Variants in HDX observed in about 807,000 individuals in gnomAD.
HDX encodes chromosome X open reading frame 43.
In HDX, 19 loss-of-function variants were observed where a neutral mutation model predicts 45.2. That is an observed-to-expected ratio of 0.42 (90% CI 0.29 to 0.62). The LOEUF (loss-of-function observed/expected upper bound fraction) is 0.62. HDX is among the 20% of genes least tolerant of loss of function. The pLI is 0.20. For synonymous variants in HDX, 188 were observed against 172.8 expected (o/e 1.09, Z -0.69); for missense variants, 532 against 493.9 (o/e 1.08, Z -0.73).
chrX:84,444,863 G>A lies in HDX; in HGVS notation c.1252-4278C>T, dbSNP rs180917739. On this transcript the variant is annotated intron_variant, in intron 4 of 10. Coordinates refer to ENST00000373177, the MANE Select transcript of HDX (RefSeq NM_001177479.2). ...TGATATGTCTTCATTACTGTACATG[G>A]TTGTACATTCATAAGAAGGCATGCA... is the stretch of plus-strand genomic sequence containing the variant. Among the ~76,000 whole-genome samples, 286 of 111,260 alleles carry A rather than the reference G, an allele frequency of 2.6e-3. 1 individual carries two copies. Among genetic ancestry groups the A allele is most frequent in the African/African-American group, 8.7e-3 (269 of 30,766 alleles).
At chrX:84,349,287 C>T (rs190537674) in intron 6 of HDX, among the ~76,000 whole-genome samples, 3 of 109,945 alleles carry the variant, frequency 2.7e-5, no homozygotes, top group Admixed American at 9.8e-5. Flanking sequence ...GTTTGTTCAA[C>T]GTTTTATTTG....
chrX:84,324,577 A>T (rs1338960592), intron 10 of HDX, among the ~76,000 whole-genome samples: 1 of 111,622 alleles, frequency 9.0e-6, no homozygotes, highest in East Asian at 2.8e-4. Flanking sequence ...TTTTGTCCAT[A>T]TACTAATTTA....
chrX:84,382,696 G>C (rs1176421361), intron 5 of HDX, among the ~76,000 whole-genome samples: 1 of 111,241 alleles, frequency 9.0e-6, no homozygotes, highest in Non-Finnish European at 1.9e-5. Context: ...CCAGAGGCTG[G>C]GAAGTGTAGT....
intron 5 of HDX, among the ~76,000 whole-genome samples, chrX:84,417,218 GAGAAAGAAAGAAAGAA>G (rs1556012085): frequency 1.0e-5 from 1 of 100,251 alleles, no homozygotes; most frequent in Non-Finnish European, 2.0e-5. Context: ...AAAAAAAAGA[GAGAAAGAAAGAAAGAA>G]AGAAAGAAAG....
At chrX:84,436,309 G>A (rs1040158965) in intron 5 of HDX, among the ~76,000 whole-genome samples, 2 of 100,554 alleles carry the variant, frequency 2.0e-5, no homozygotes, top group Non-Finnish European at 4.1e-5. Context: ...GGATAGCATT[G>A]GGAGATATAC....
chrX:84,378,397 A>G (rs1193305777), intron 5 of HDX, among the ~76,000 whole-genome samples: 2 of 111,744 alleles, frequency 1.8e-5, no homozygotes, highest in Non-Finnish European at 3.8e-5. Context: ...CCTTATCCTA[A>G]GTAGAAAGAC....
At chrX:84,370,022 T>C (rs2037855001) in intron 5 of HDX, among the ~76,000 whole-genome samples, 1 of 112,034 alleles carries the variant, frequency 8.9e-6, no homozygotes, top group South Asian at 3.7e-4. Flanking sequence ...CTGAATTAGA[T>C]TAACATATAA....
chrX:84,449,521 G>A (rs954907305), intron 4 of HDX, among the ~76,000 whole-genome samples: 1 of 111,932 alleles, frequency 8.9e-6, no homozygotes, highest in Non-Finnish European at 1.9e-5. Flanking sequence ...TCTTCAAAGA[G>A]CTGAAAGAAA....
intron 4 of HDX, among the ~76,000 whole-genome samples, chrX:84,445,561 C>CT (rs2039854523): frequency 9.1e-6 from 1 of 110,289 alleles, no homozygotes; most frequent in Admixed American, 9.8e-5. Flanking sequence ...TGAAATTTAA[C>CT]AAAAAGCCAA....
chrX:84,349,040 C>A (rs771809659), intron 6 of HDX, among the ~76,000 whole-genome samples: 1 of 111,391 alleles, frequency 9.0e-6, no homozygotes, highest in East Asian at 2.9e-4. Context: ...CATGATTGTA[C>A]ACCCTGGAAT....
chrX:84,455,692 G>A (rs1056296411), intron 4 of HDX, among the ~76,000 whole-genome samples: 1 of 111,496 alleles, frequency 9.0e-6, no homozygotes, highest in African/African-American at 3.3e-5. Context: ...CCAAACCTAG[G>A]GAAAGATATT....
At chrX:84,453,877 A>T (rs2040058299) in intron 4 of HDX, among the ~76,000 whole-genome samples, 1 of 112,021 alleles carries the variant, frequency 8.9e-6, no homozygotes, top group African/African-American at 3.2e-5. Context: ...CAACTTTGAT[A>T]ACAGCTCAGC....
chrX:84,404,490 T>C (rs1332269500), intron 5 of HDX, among the ~76,000 whole-genome samples: 1 of 111,599 alleles, frequency 9.0e-6, no homozygotes, highest in African/African-American at 3.2e-5. Context: ...TTAAGAATAC[T>C]GTAGCATAAT....
At chrX:84,327,009 C>T (rs1214445897) in intron 9 of HDX, among the ~76,000 whole-genome samples, 1 of 110,927 alleles carries the variant, frequency 9.0e-6, no homozygotes, top group African/African-American at 3.3e-5. Context: ...TTCAGAAAGC[C>T]AACTACTCAG....
chrX:84,417,912 A>G (rs916492512), intron 5 of HDX, among the ~76,000 whole-genome samples: 1 of 111,896 alleles, frequency 8.9e-6, no homozygotes, highest in Non-Finnish European at 1.9e-5. Flanking sequence ...CATTACTCCA[A>G]TGTCCTCAGC....
chrX:84,474,182 C>G (rs1185482478), intron 3 of HDX, among the ~76,000 whole-genome samples: 2 of 111,656 alleles, frequency 1.8e-5, no homozygotes, highest in Admixed American at 1.9e-4. Context: ...ATTCCAGCTA[C>G]TCGGGAGGCT....
At chrX:84,494,547 T>A (rs2040960651) in intron 1 of HDX, among the ~76,000 whole-genome samples, 1 of 112,178 alleles carries the variant, frequency 8.9e-6, no homozygotes, top group Admixed American at 9.5e-5. Flanking sequence ...AAAGATTTAG[T>A]CACACATTAG....
intron 5 of HDX, among the ~76,000 whole-genome samples, chrX:84,423,483 CAAAAA>C (rs538893311): frequency 5.0e-5 from 3 of 59,501 alleles, no homozygotes; most frequent in East Asian, 1.1e-3. Flanking sequence ...ACAGAAACAT[CAAAAA>C]AAAAAAAAAA....
At chrX:84,386,105 A>G (rs2038315126) in intron 5 of HDX, among the ~76,000 whole-genome samples, 1 of 110,835 alleles carries the variant, frequency 9.0e-6, no homozygotes, top group Non-Finnish European at 1.9e-5. Context: ...GTGTATATTG[A>G]GATGATTATA....
Sources: allele counts gnomAD v4.1 joint callset (sites outside exome capture counted in the v4.1 genomes callset), GRCh38; gene constraint gnomAD v4.1.1; transcripts MANE v1.5; gene names NCBI Gene and HGNC (gene_info 2026-07-23, HGNC 2026-07-21).